Variants in HPR observed in about 807,000 individuals in gnomAD.
HPR encodes haptoglobin-related protein, also known as Haptoglobin-related locus.
A neutral mutation model predicts 18.5 loss-of-function variants in HPR; 17 were observed. That is an observed-to-expected ratio of 0.92 (90% confidence interval 0.63 to 1.38). The LOEUF (loss-of-function observed/expected upper bound fraction) is 1.38. HPR is among the 40% of genes most tolerant of loss of function. HPR has a pLI of 0.00. For synonymous variants in HPR, 176 were observed against 165.0 expected (o/e 1.07, Z -0.51); for missense variants, 457 against 432.4 (o/e 1.06, Z -0.51).
chr16:72,064,406 C>G (rs112581859), intron 1 of HPR, among the ~76,000 whole-genome samples: 6 of 152,270 alleles, frequency 3.9e-5, no homozygotes, highest in African/African-American at 1.4e-4. Context: ...CCTGCCAGTC[C>G]TTACCCATAC....
rs773780848 is a variant in HPR, at chr16:72,076,951, T to C, written c.917T>C (p.Leu306Pro). The C allele has an allele frequency of 1.9e-6, 3 of 1,614,230 alleles. No individual in the cohort carries two copies. Among genetic ancestry groups the C allele is most frequent in the Non-Finnish European group, 1.7e-6 (2 of 1,180,042 alleles). ...GGCAGTGCCTTTGCCGTTCACGACCTGGAGGAGGACACCTGGTACGCGGCT... is the reference window on the plus strand; with the variant it reads ...GGCAGTGCCTTTGCCGTTCACGACCCGGAGGAGGACACCTGGTACGCGGCT... Reference protein sequence around the residue: ...DAGSAFAVHDLEEDTWYAAGI... With the variant: ...DAGSAFAVHDPEEDTWYAAGI... Residue 306 changes from leucine to proline, a missense_variant, in exon 5 of 5, where the codon CTG (leucine) becomes CCG (proline). Transcript: ENST00000540303.
chr16:72,074,585 TTTG>T, intron 3 of HPR, 200 bp downstream of exon 3: 1 of 721,946 alleles, frequency 1.4e-6, no homozygotes, highest in Non-Finnish European at 2.6e-6. Flanking sequence ...GGTTTTCTGT[TTTG>T]TTAAGGGGAG....
chr16:72,077,085 A>C lies in HPR; in HGVS notation c.*4A>C. 4 of 1,602,990 alleles carry C rather than the reference A, an allele frequency of 2.5e-6. No homozygotes were observed. Among genetic ancestry groups the C allele is most frequent in the South Asian group, 1.1e-5 (1 of 90,276 alleles). ...GAAGACCATAGCTGAGAACTAATGCAAGGCTGGCCGGAAGCCCTTGCCTGA... is the reference window on the plus strand; with the variant it reads ...GAAGACCATAGCTGAGAACTAATGCCAGGCTGGCCGGAAGCCCTTGCCTGA... On this transcript the variant is annotated 3_prime_UTR_variant, in exon 5 of 5. Coordinates refer to ENST00000540303, the MANE Select transcript of HPR (RefSeq NM_020995.4).
At chr16:72,072,742 A>C (rs559463162) in intron 1 of HPR, among the ~76,000 whole-genome samples, 25 of 152,112 alleles carry the variant, frequency 1.6e-4, no homozygotes, top group African/African-American at 5.3e-4. Context: ...ACCTCCCTCA[A>C]TCCTCCTCCT....
intron 3 of HPR, chr16:72,074,867 G>C (rs747457458): frequency 1.5e-6 from 1 of 656,158 alleles, no homozygotes; most frequent in East Asian, 2.7e-5. Context: ...GCCTGTAAGA[G>C]GCAGAGTCAG....
In HPR at chr16:72,073,933, A is replaced by G; in HGVS notation, c.47A>G (p.Gln16Arg). 1 of 1,614,040 alleles carries G rather than the reference A, an allele frequency of 6.2e-7. No individual in the cohort carries two copies. Among genetic ancestry groups the G allele is most frequent in the Non-Finnish European group, 8.5e-7 (1 of 1,179,996 alleles). ...AVISLLLWGR[Q>R]LFALYSGNDV... ...ATTTCCCTCCTGCTCTGGGGACGAC[A>G]GCTTTTTGCACTGTACTCAGGCAAT... Residue 16 changes from glutamine to arginine, a missense_variant, in exon 2 of 5, where the codon CAG becomes CGG. Physicochemically the swap from Gln to Arg is conservative, Grantham distance 43 (BLOSUM62 1). Transcript: ENST00000540303.
intron 1 of HPR, among the ~76,000 whole-genome samples, chr16:72,070,286 C>A (rs943575536): frequency 6.6e-6 from 1 of 152,152 alleles, no homozygotes; most frequent in Non-Finnish European, 1.5e-5. Flanking sequence ...AAGATCAGTT[C>A]CTCAAAAATT....
chr16:72,074,528 C>T (rs1389742675), intron 3 of HPR, 143 bp downstream of exon 3: 11 of 809,886 alleles, frequency 1.4e-5, no homozygotes, highest in Admixed American at 2.0e-5. Flanking sequence ...AGCGTTTTGT[C>T]GCCAGTAGCC....
chr16:72,069,254 C>T (rs181189185), intron 1 of HPR, among the ~76,000 whole-genome samples: 9 of 152,118 alleles, frequency 5.9e-5, no homozygotes, highest in Admixed American at 2.6e-4. Context: ...AAGGTCATGA[C>T]CTTGTTCATA....
chr16:72,068,445 T>C (rs2041620350), intron 1 of HPR, among the ~76,000 whole-genome samples: 1 of 152,174 alleles, frequency 6.6e-6, no homozygotes, highest in South Asian at 2.1e-4. Context: ...TAAACTTTTA[T>C]ACCAAAAACT....
At chr16:72,065,569 A>G (rs1233745671) in intron 1 of HPR, among the ~76,000 whole-genome samples, 1 of 152,180 alleles carries the variant, frequency 6.6e-6, no homozygotes, top group Non-Finnish European at 1.5e-5. Flanking sequence ...GCATAAGAAG[A>G]AGGAGCAAAT....
In HPR at chr16:72,067,152, C is replaced by G. The variant is rs866371271; in HGVS notation, c.5+3892C>G. Reference sequence around the variant, plus strand: ...AGAGAGAAGCCCTTCCACTCACGACCTTTGAAGAGGAACAGGGAAGTCAGG... The same window carrying G: ...AGAGAGAAGCCCTTCCACTCACGACGTTTGAAGAGGAACAGGGAAGTCAGG... On this transcript the variant is annotated intron_variant, in intron 1 of 4. Coordinates refer to ENST00000540303, the MANE Select transcript of HPR (RefSeq NM_020995.4). Among the ~76,000 whole-genome samples, 20 of 152,264 alleles carry G rather than the reference C, an allele frequency of 1.3e-4. No individual in the cohort carries two copies. In the South Asian group the frequency reaches 1.7e-3, roughly 13 times the overall value.
chr16:72,071,551 C>T (rs1265044062), intron 1 of HPR, among the ~76,000 whole-genome samples: 1 of 152,140 alleles, frequency 6.6e-6, no homozygotes, highest in East Asian at 1.9e-4. Context: ...TTCCGTTTCC[C>T]AATGCCAATT....
chr16:72,075,863 C>G (rs998930507), intron 4 of HPR, among the ~76,000 whole-genome samples: 38 of 144,808 alleles, frequency 2.6e-4, no homozygotes, highest in Non-Finnish European at 5.0e-4. Context: ...CAGAGTTTTG[C>G]TCTCGTCGCC....
chr16:72,063,890 G>A (rs1242359296), intron 1 of HPR, among the ~76,000 whole-genome samples: 1 of 152,054 alleles, frequency 6.6e-6, no homozygotes, highest in African/African-American at 2.4e-5. Context: ...CTACAGGCGT[G>A]TGCCACCACG....
At chr16:72,072,324 T>C (rs965675621) in intron 1 of HPR, among the ~76,000 whole-genome samples, 3 of 152,184 alleles carry the variant, frequency 2.0e-5, no homozygotes, top group Admixed American at 6.5e-5. Context: ...TTGTTAATTA[T>C]ACTAGAGATG....
At position 72,076,761 on chromosome 16, in the gene HPR, C is replaced by G; in HGVS notation, c.727C>G (p.Leu243Val). Residue 243 changes from leucine to valine, a missense_variant, in exon 5 of 5, where the codon CTG becomes GTG. By Grantham distance (32) the Leu-to-Val change is conservative. Coordinates refer to ENST00000540303, the MANE Select transcript of HPR (RefSeq NM_020995.4). ...TACTGACCATCTGAAGTATGTCATG[C>G]TGCCTGTGGCTGACCAATACGATTG... Reference protein sequence around the residue: ...KLTDHLKYVMLPVADQYDCIT... With the variant: ...KLTDHLKYVMVPVADQYDCIT... 1 of 1,614,224 alleles carries G rather than the reference C, an allele frequency of 6.2e-7. No individual in the cohort carries two copies. The highest frequency in any genetic ancestry group is 1.1e-5 in the South Asian group (1 of 91,088).
chr16:72,069,866 G>C (rs960403139), intron 1 of HPR, among the ~76,000 whole-genome samples: 20 of 152,042 alleles, frequency 1.3e-4, no homozygotes, highest in African/African-American at 4.1e-4. Context: ...TTACCTACTG[G>C]GTAGAGACTA....
At chr16:72,073,640 G>GC in intron 1 of HPR, 1 of 1,315,272 alleles carries the variant, frequency 7.6e-7, no homozygotes, top group Non-Finnish European at 1.0e-6. Context: ...GCAAGACAGA[G>GC]CTTGCTGGAA....
Sources: allele counts gnomAD v4.1 joint callset (sites outside exome capture counted in the v4.1 genomes callset), GRCh38; gene constraint gnomAD v4.1.1; transcripts MANE v1.5; gene names NCBI Gene and HGNC (gene_info 2026-07-23, HGNC 2026-07-21).